TNFSF13: variants seen among roughly 807,000 people sequenced by gnomAD.
The protein encoded by TNFSF13 is tumor necrosis factor ligand superfamily member 13.
In TNFSF13, 18 loss-of-function variants were observed where a neutral mutation model predicts 30.7. The observed-to-expected ratio is 0.59, with a 90% CI of 0.41 to 0.87. The LOEUF (loss-of-function observed/expected upper bound fraction) is 0.87. Among genes scored for constraint, TNFSF13 ranks in the 40% least tolerant of loss-of-function variants. The pLI, the probability that TNFSF13 is intolerant of heterozygous loss-of-function variation, is 0.00. For synonymous variants in TNFSF13, 116 were observed against 123.2 expected (o/e 0.94, Z 0.39); for missense variants, 286 against 308.8 (o/e 0.93, Z 0.55).
rs2071190800 is a variant in TNFSF13, at chr17:7,560,921, G to C, written c.*88G>C. ...AAGAGCTGAGTATATAAAGGAGAGG[G>C]AATGTGCAGGAACAGAGGCGTCTTC... On this transcript the variant is annotated 3_prime_UTR_variant, in exon 6 of 6. Coordinates refer to ENST00000338784, the MANE Select transcript of TNFSF13 (RefSeq NM_003808.4). 1.9e-6 allele frequency: 3 copies of C among 1,614,190 alleles called. No individual in the cohort carries two copies. Among genetic ancestry groups the C allele is most frequent in the Non-Finnish European group, 2.5e-6 (3 of 1,180,022 alleles).
chr17:7,560,158 G>GTA lies in TNFSF13; in HGVS notation c.498_499dup (p.Ser167IlefsTer9). ...TCCAGGATGCTGGAGTTTATCTGCT[G>GTA]TATAGCCAGGTAACCCCAGCCACAC... On this transcript the variant is annotated frameshift_variant, in exon 4 of 6. Transcript: ENST00000338784. LOFTEE classifies it high-confidence loss of function. 6.2e-7 allele frequency: 1 copy of GTA among 1,614,136 alleles called. No homozygotes were observed. The highest frequency in any genetic ancestry group is 8.5e-7 in the Non-Finnish European group (1 of 1,180,024).
At position 7,560,336 on chromosome 17, in the gene TNFSF13, C is replaced by A. The variant is rs2071168704; in HGVS notation, c.505-14C>A. ...GGCCATCCTGTTTTCTTCAACATCT[C>A]CCTTCCCTGCCAGGTCCTGTTTCAA... On this transcript the variant is annotated splice_polypyrimidine_tract_variant and intron_variant, in intron 4 of 5. Coordinates refer to ENST00000338784, the MANE Select transcript of TNFSF13 (RefSeq NM_003808.4). The A allele has an allele frequency of 6.2e-7, 1 of 1,613,968 alleles. No homozygotes were observed. Among genetic ancestry groups the A allele is most frequent in the Non-Finnish European group, 8.5e-7 (1 of 1,180,002 alleles).
At chr17:7,560,539 C>G in intron 5 of TNFSF13, 51 bp downstream of exon 5, 1 of 1,612,758 alleles carries the variant, frequency 6.2e-7, no homozygotes. Context: ...CCGGGGGTAG[C>G]AGTGCAGGGA....
chr17:7,559,036 G>C lies in TNFSF13; in HGVS notation c.-4G>C, dbSNP rs1305851635. 10 of 1,527,258 alleles carry C rather than the reference G, an allele frequency of 6.5e-6. No individual in the cohort carries two copies. Among genetic ancestry groups the C allele is most frequent in the Non-Finnish European group, 7.1e-6 (8 of 1,134,168 alleles). The allele number at this position is 1,527,258 out of a possible 1,614,324, so 94.6% of individuals were successfully genotyped here. On this transcript the variant is annotated 5_prime_UTR_variant, in exon 1 of 6. Coordinates refer to ENST00000338784, the MANE Select transcript of TNFSF13 (RefSeq NM_003808.4). This position sits in a 1 kb window ranked among gnomAD's most constrained non-coding sequence, Gnocchi z 5.4. ...ACCACAGCTGTTGGCAGGGTCCCCA[G>C]CTCATGCCAGCCTCATCTCCTTTCT...
Position 7,561,401 on chromosome 17 carries a change from A to C in TNFSF13, c.*568A>C. 4 of 238,984 alleles carry C rather than the reference A, an allele frequency of 1.7e-5. No homozygotes were observed. Among genetic ancestry groups the C allele is most frequent in the South Asian group, 9.8e-5 (2 of 20,422 alleles). The allele number at this position is 238,984 out of a possible 1,614,324, so 14.8% of individuals were successfully genotyped here. ...ATGACGGTGCCTTCGCAGTCAAATTACTCTTCGGGTCCCAAGGTTTGGCTT... is the reference window on the plus strand; with the variant it reads ...ATGACGGTGCCTTCGCAGTCAAATTCCTCTTCGGGTCCCAAGGTTTGGCTT... On this transcript the variant is annotated 3_prime_UTR_variant, in exon 6 of 6. Transcript: ENST00000338784. This position sits in a 1 kb window ranked among gnomAD's most constrained non-coding sequence, Gnocchi z 4.4.
chr17:7,560,714 C>T lies in TNFSF13; in HGVS notation c.644-10C>T. The T allele has an allele frequency of 1.9e-6, 3 of 1,614,170 alleles. No homozygotes were observed. Among genetic ancestry groups the T allele is most frequent in the South Asian group, 1.1e-5 (1 of 91,080 alleles). On this transcript the variant is annotated splice_polypyrimidine_tract_variant and intron_variant, in intron 5 of 5. Transcript: ENST00000338784. ...GCTTCACTGCGAATCTACTTTCTCT[C>T]TTTTCTCAGGTGTCTTCCATTTACA... is the stretch of plus-strand genomic sequence containing the variant.
chr17:7,560,435 TAAG>T lies in TNFSF13; in HGVS notation c.594_596del (p.Arg198del). The T allele has an allele frequency of 6.2e-7, 1 of 1,614,058 alleles. No individual in the cohort carries two copies. The highest frequency in any genetic ancestry group is 1.6e-4 in the Middle Eastern group (1 of 6,062). ...AGGCAGGAGACTCTATTCCGATGTA[TAAG>T]AAGTATGCCCTCCCACCCGGACCGG... On this transcript the variant is annotated inframe_deletion, in exon 5 of 6. Coordinates refer to ENST00000338784, the MANE Select transcript of TNFSF13 (RefSeq NM_003808.4).
rs1348505174 is a variant in TNFSF13, at chr17:7,560,233, C to T, written c.504+66C>T. ...TGGCCCCCTACTGAGGGTTCCTGAC[C>T]CCTCTATTCATACCAAACCCAGCAG... On this transcript the variant is annotated intron_variant, in intron 4 of 5. Coordinates refer to ENST00000338784, the MANE Select transcript of TNFSF13 (RefSeq NM_003808.4). The T allele has an allele frequency of 9.9e-6, 16 of 1,611,368 alleles. No homozygotes were observed. In the African/African-American group the frequency reaches 1.3e-4, roughly 13 times the overall value.
At chr17:7,560,011 G>C in intron 3 of TNFSF13, 38 bp from the exon 4 acceptor site, 1 of 1,614,122 alleles carries the variant, frequency 6.2e-7, no homozygotes, top group Non-Finnish European at 8.5e-7. Flanking sequence ...GCACCTGAGA[G>C]TGCCAAGAAG....
chr17:7,558,719 GGTTCCTGCGCACTGCCT>G (rs1325192244), upstream of TNFSF13: 1 of 197,326 alleles, frequency 5.1e-6, no homozygotes, highest in Non-Finnish European at 1.0e-5. This position sits in a 1 kb window ranked among gnomAD's most constrained non-coding sequence, Gnocchi z 4.3. Context: ...GCCGCCCCAG[GGTTCCTGCGCACTGCCT>G]GTTCCTCCTG....
In TNFSF13 at chr17:7,560,138, G is replaced by C. The variant is rs753552064; in HGVS notation, c.475G>C (p.Asp159His). The stretch of plus-strand genomic sequence containing the variant: ...CCAAGGATATGGTGTCCGAATCCAG[G>C]ATGCTGGAGTTTATCTGCTGTATAG... Reference protein sequence around the residue: ...QAQGYGVRIQDAGVYLLYSQV... With the variant: ...QAQGYGVRIQHAGVYLLYSQV... The change falls in exon 4 of 6, where the codon GAT becomes CAT. Residue 159 changes from aspartate (D) to histidine (H), a missense_variant. Asp to His is a moderately conservative substitution (Grantham distance 81). Transcript: ENST00000338784. The C allele has an allele frequency of 1.2e-6, 2 of 1,614,170 alleles. No homozygotes were observed. The highest frequency in any genetic ancestry group is 1.7e-6 in the Non-Finnish European group (2 of 1,180,008).
chr17:7,559,734 G>A lies in TNFSF13; in HGVS notation c.337+32G>A. The stretch of plus-strand genomic sequence containing the variant: ...CTTCCAGGGTGCAGCAGGGGTGGGA[G>A]GTGATCAAGCAGCGTGGGGATTGTA... On this transcript the variant is annotated intron_variant, in intron 2 of 5. Coordinates refer to ENST00000338784, the MANE Select transcript of TNFSF13 (RefSeq NM_003808.4). The surrounding 1 kb of genome is among the most constrained non-coding windows in gnomAD (Gnocchi z 5.4). 6.2e-7 allele frequency: 1 copy of A among 1,613,890 alleles called. No individual in the cohort carries two copies. Among genetic ancestry groups the A allele is most frequent in the Non-Finnish European group, 8.5e-7 (1 of 1,179,930 alleles).
rs775253472 is a variant in TNFSF13, at chr17:7,559,142, T to TG, written c.109dup (p.Ala37GlyfsTer88). ...ACTCTCAGTTGCCCTCTGGTTGAGT[T>TG]GGGGGGCAGCTCTGGGGGCCGTGGC... is the stretch of plus-strand genomic sequence containing the variant. On this transcript the variant is annotated frameshift_variant, in exon 1 of 6. Coordinates refer to ENST00000338784, the MANE Select transcript of TNFSF13 (RefSeq NM_003808.4). LOFTEE classifies it high-confidence loss of function. This position sits in a 1 kb window ranked among gnomAD's most constrained non-coding sequence, Gnocchi z 5.4. 67 of 1,610,694 alleles carry TG rather than the reference T, an allele frequency of 4.2e-5. No homozygotes were observed. The highest frequency in any genetic ancestry group is 5.3e-5 in the Non-Finnish European group (62 of 1,177,592).
intron 4 of TNFSF13, 51 bp from the exon 5 acceptor site, chr17:7,560,299 A>G (rs1006058505): frequency 1.3e-5 from 21 of 1,613,354 alleles, no homozygotes; most frequent in Non-Finnish European, 1.7e-5. Context: ...GAGGCCTCCC[A>G]GAACTGAGCC....
chr17:7,560,598 G>A, intron 5 of TNFSF13, 110 bp downstream of exon 5: 2 of 1,609,060 alleles, frequency 1.2e-6, no homozygotes, highest in African/African-American at 1.3e-5. Context: ...CGGGTCTGAG[G>A]AGTGAAGTGC....
At position 7,559,206 on chromosome 17, in the gene TNFSF13, A is replaced by G. The variant is rs770542528; in HGVS notation, c.167A>G (p.Gln56Arg). The G allele has an allele frequency of 4.3e-6, 7 of 1,612,256 alleles. No homozygotes were observed. The highest frequency in any genetic ancestry group is 3.3e-5 in the South Asian group (3 of 91,026). ...CTGCTGACCCAACAAACAGAGCTGC[A>G]GAGCCTCAGGAGAGAGGTGAGCCGG... Reference protein sequence around the residue: ...MALLTQQTELQSLRREVSRLQ... With the variant: ...MALLTQQTELRSLRREVSRLQ... Residue 56 changes from glutamine (Q) to arginine (R), a missense_variant, in exon 1 of 6, where the codon CAG (glutamine) becomes CGG (arginine). Transcript: ENST00000338784. The surrounding 1 kb of genome is among the most constrained non-coding windows in gnomAD (Gnocchi z 5.4).
rs1288800025 is a variant in TNFSF13, at chr17:7,560,080, A to G, written c.417A>G (p.Gln139=). The change falls in exon 4 of 6, where the codon CAA becomes CAG. Residue 139 remains glutamine, a synonymous_variant. Transcript: ENST00000338784. ...CCGATGTGACAGAGGTGATGTGGCAACCAGCTCTTAGGCGTGGGAGAGGCC... is the reference window on the plus strand; with the variant it reads ...CCGATGTGACAGAGGTGATGTGGCAGCCAGCTCTTAGGCGTGGGAGAGGCC... ...DDSDVTEVMW[Q]PALRRGRGLQ... 1.9e-6 allele frequency: 3 copies of G among 1,614,050 alleles called. No individual in the cohort carries two copies. The highest frequency in any genetic ancestry group is 2.5e-6 in the Non-Finnish European group (3 of 1,180,014).
In TNFSF13 at chr17:7,559,462, A is replaced by G. The variant is rs2071134990; in HGVS notation, c.259-162A>G. 6.6e-6 allele frequency among the ~76,000 whole-genome samples: 1 copy of G among 152,006 alleles called. No homozygotes were observed. Among genetic ancestry groups the G allele is most frequent in the African/African-American group, 2.4e-5 (1 of 41,378 alleles). On this transcript the variant is annotated intron_variant, in intron 1 of 5. Transcript: ENST00000338784. The surrounding 1 kb of genome is among the most constrained non-coding windows in gnomAD (Gnocchi z 5.4). Reference sequence around the variant, plus strand: ...AAACTGTTAAAGGTTAATGCTTCTCATACCTAACAAATCCTGGAGGGCAGC... The same window carrying G: ...AAACTGTTAAAGGTTAATGCTTCTCGTACCTAACAAATCCTGGAGGGCAGC...
In TNFSF13 at chr17:7,559,531, C is replaced by T. The variant is rs116376010; in HGVS notation, c.259-93C>T. On this transcript the variant is annotated intron_variant, in intron 1 of 5. Coordinates refer to ENST00000338784, the MANE Select transcript of TNFSF13 (RefSeq NM_003808.4). This position sits in a 1 kb window ranked among gnomAD's most constrained non-coding sequence, Gnocchi z 5.4. ...TGCTGGGAAAAGGTGCGTGAGAGATCTGAGGCATCTCGGGGGCAGGGGAGG... is the reference window on the plus strand; with the variant it reads ...TGCTGGGAAAAGGTGCGTGAGAGATTTGAGGCATCTCGGGGGCAGGGGAGG... 1.9e-3 allele frequency: 2,809 copies of T among 1,507,964 alleles called. 59 individuals are homozygous for T. The African/African-American group carries it at 0.031, about 16-fold the overall frequency. The allele number at this position is 1,507,964 out of a possible 1,614,324, so 93.4% of individuals were successfully genotyped here. A position where few individuals can be genotyped will look rare whatever the true frequency, so the allele number is the denominator to read the frequency against.
Sources: allele counts gnomAD v4.1 joint callset (sites outside exome capture counted in the v4.1 genomes callset), GRCh38; gene constraint gnomAD v4.1.1; non-coding constraint Gnocchi (gnomAD v3.1); transcripts MANE v1.5; gene names NCBI Gene and HGNC (gene_info 2026-07-23, HGNC 2026-07-21).